Variants in COX10 observed in about 807,000 individuals in gnomAD.
COX10 encodes cytochrome c oxidase assembly factor heme A:farnesyltransferase COX10.
In COX10, 27 loss-of-function variants were observed where a neutral mutation model predicts 37.3. The ratio of observed to expected loss-of-function variants is 0.72; its 90% CI spans 0.53 to 1.00. COX10 has a LOEUF of 1.00. Among genes scored for constraint, COX10 ranks in the 50% least tolerant of loss-of-function variants. COX10 has a pLI of 0.00. For missense variants in COX10, 475 were observed against 563.2 expected (o/e 0.84, Z 1.59); for synonymous variants, 222 against 229.1 (o/e 0.97, Z 0.28).
Position 14,193,263 on chromosome 17 carries a change from C to T in COX10, c.928+1042C>T, listed in dbSNP as rs552809498. Among the ~76,000 whole-genome samples the T allele has an allele frequency of 4.7e-4, 71 of 152,326 alleles. 1 individual carries two copies. Among genetic ancestry groups the T allele is most frequent in the Admixed American group, 3.8e-3 (58 of 15,302 alleles). On this transcript the variant is annotated intron_variant, in intron 6 of 6. Transcript: ENST00000261643. ...CACCGCTCATGAGCTGTGCATCCTTCGCAGCTGAACTCAGCCTCTTTCTGC... is the reference window on the plus strand; with the variant it reads ...CACCGCTCATGAGCTGTGCATCCTTTGCAGCTGAACTCAGCCTCTTTCTGC...
chr17:14,159,096 A>G (rs1460162721), intron 4 of COX10, among the ~76,000 whole-genome samples: 1 of 152,200 alleles, frequency 6.6e-6, no homozygotes, highest in Non-Finnish European at 1.5e-5. Context: ...GACCATACCA[A>G]TCTATTGTCC....
At chr17:14,148,711 A>G (rs1597521970) in intron 4 of COX10, among the ~76,000 whole-genome samples, 1 of 152,236 alleles carries the variant, frequency 6.6e-6, no homozygotes, top group African/African-American at 2.4e-5. Flanking sequence ...TGCCTTTTGC[A>G]TAGGATGTAA....
intron 6 of COX10, 70 bp from the exon 7 acceptor site, chr17:14,206,740 G>T: frequency 6.3e-7 from 1 of 1,597,456 alleles, no homozygotes; most frequent in Non-Finnish European, 8.6e-7. Context: ...CCCAGGAGAG[G>T]AAACCATTCT....
intron 6 of COX10, 49 bp from the exon 7 acceptor site, chr17:14,206,761 C>CT (rs1567615134): frequency 5.0e-6 from 8 of 1,610,236 alleles, no homozygotes; most frequent in Non-Finnish European, 6.8e-6. Flanking sequence ...TTGGAAATCT[C>CT]TGGTGATGAC....
At chr17:14,142,991 T>A (rs913365682) in intron 4 of COX10, among the ~76,000 whole-genome samples, 1 of 152,188 alleles carries the variant, frequency 6.6e-6, no homozygotes, top group Non-Finnish European at 1.5e-5. Flanking sequence ...ATTTTCAGCC[T>A]TTTTACATCT....
rs1269241958 is a variant in COX10 at position 14,207,635 on chromosome 17, A to G, written c.*422A>G. ...GTGAGCCTCATGATCTGCTGTCTGT[A>G]GTTCTGTGAGCTCAGGTCCCTCAAA... On this transcript the variant is annotated 3_prime_UTR_variant, in exon 7 of 7. Coordinates refer to ENST00000261643, the MANE Select transcript of COX10 (RefSeq NM_001303.4). The G allele has an allele frequency of 1.2e-5, 2 of 164,840 alleles. No individual in the cohort carries two copies. The highest frequency in any genetic ancestry group is 4.8e-5 in the African/African-American group (2 of 41,650). The allele number at this position is 164,840 out of a possible 1,614,324, so 10.2% of individuals were successfully genotyped here. A position where few individuals can be genotyped will look rare whatever the true frequency, so the allele number is the denominator to read the frequency against.
intron 5 of COX10, among the ~76,000 whole-genome samples, chr17:14,169,040 G>GT (rs1905376319): frequency 6.6e-6 from 1 of 152,082 alleles, no homozygotes; most frequent in Non-Finnish European, 1.5e-5. Context: ...CCTTTTAAAC[G>GT]TAAGTTCCAA....
chr17:14,173,378 G>C (rs1364775232), intron 5 of COX10, among the ~76,000 whole-genome samples: 3 of 152,246 alleles, frequency 2.0e-5, no homozygotes, highest in East Asian at 3.9e-4. Flanking sequence ...CAGGAGTGGA[G>C]AATGAGCGAA....
At chr17:14,148,158 T>C (rs1314697168) in intron 4 of COX10, among the ~76,000 whole-genome samples, 6 of 148,688 alleles carry the variant, frequency 4.0e-5, no homozygotes, top group Non-Finnish European at 8.8e-5. Flanking sequence ...CTGAGTAATC[T>C]GTTTAGAGGA....
intron 6 of COX10, among the ~76,000 whole-genome samples, chr17:14,204,724 C>G (rs1454969787): frequency 1.3e-5 from 2 of 152,086 alleles, no homozygotes; most frequent in African/African-American, 4.8e-5. Context: ...CACACACTCA[C>G]ACAGAGGTAC....
intron 4 of COX10, among the ~76,000 whole-genome samples, chr17:14,136,897 A>G (rs971716095): frequency 6.6e-6 from 1 of 151,882 alleles, no homozygotes; most frequent in African/African-American, 2.4e-5. Flanking sequence ...CTTTTTGGTT[A>G]TTTGTCAGTT....
intron 4 of COX10, among the ~76,000 whole-genome samples, chr17:14,117,349 G>A (rs1023676803): frequency 3.9e-5 from 6 of 152,000 alleles, no homozygotes; most frequent in African/African-American, 1.2e-4. Flanking sequence ...AGTAATAGGT[G>A]GATTTTAAAA....
At position 14,085,990 on chromosome 17, in the gene COX10, T is replaced by C. The variant is rs1915401557; in HGVS notation, c.499+8934T>C. ...TCATACGCTGAGTGGTGATTTGTAT[T>C]GCTTTGTTGATGGCATGTTTGCCTC... On this transcript the variant is annotated intron_variant, in intron 3 of 6. Coordinates refer to ENST00000261643, the MANE Select transcript of COX10 (RefSeq NM_001303.4). 2.0e-5 allele frequency among the ~76,000 whole-genome samples: 3 copies of C among 152,194 alleles called. No homozygotes were observed. The South Asian group carries it at 6.2e-4, about 31-fold the overall frequency.
intron 4 of COX10, among the ~76,000 whole-genome samples, chr17:14,139,925 C>T (rs1904487923): frequency 6.6e-6 from 1 of 152,134 alleles, no homozygotes; most frequent in South Asian, 2.1e-4. Context: ...TAGAAAATGT[C>T]ATTCTGAAAA....
At chr17:14,168,794 C>A (rs1473175439) in intron 5 of COX10, among the ~76,000 whole-genome samples, 3 of 152,206 alleles carry the variant, frequency 2.0e-5, no homozygotes, top group Non-Finnish European at 4.4e-5. Flanking sequence ...CTGGGCTCAG[C>A]CCACGAAGCC....
chr17:14,119,562 A>G (rs937682034), intron 4 of COX10, among the ~76,000 whole-genome samples: 2 of 152,182 alleles, frequency 1.3e-5, no homozygotes, highest in African/African-American at 4.8e-5. Context: ...GGAGCTGCAA[A>G]CTGAGTGATA....
intron 6 of COX10, among the ~76,000 whole-genome samples, chr17:14,201,583 A>G (rs1906543188): frequency 6.6e-6 from 1 of 152,256 alleles, no homozygotes; most frequent in Non-Finnish European, 1.5e-5. Context: ...AGGGCTTTTG[A>G]GAAAGACAAG....
chr17:14,115,761 C>T (rs1253487147), intron 4 of COX10, among the ~76,000 whole-genome samples: 2 of 152,006 alleles, frequency 1.3e-5, no homozygotes, highest in Admixed American at 6.6e-5. Flanking sequence ...TTAAGTAAAA[C>T]GAGTCAGACA....
At chr17:14,107,304 T>C (rs1915916112) in intron 4 of COX10, among the ~76,000 whole-genome samples, 1 of 152,168 alleles carries the variant, frequency 6.6e-6, no homozygotes, top group South Asian at 2.1e-4. Flanking sequence ...TTTCTTTTTG[T>C]TTAATTACTC....
Sources: allele counts gnomAD v4.1 joint callset (sites outside exome capture counted in the v4.1 genomes callset), GRCh38; gene constraint gnomAD v4.1.1; transcripts MANE v1.5; gene names NCBI Gene and HGNC (gene_info 2026-07-23, HGNC 2026-07-21).